ADAM29: variants seen among roughly 807,000 people sequenced by gnomAD.
ADAM29 encodes ADAM metallopeptidase domain 29, also known as disintegrin and metalloproteinase domain-containing protein 29.
For missense variants in ADAM29, 969 were observed against 1,001.8 expected, an observed-to-expected ratio of 0.97 and a Z score of 0.44; for synonymous variants, 367 against 342.3, an observed-to-expected ratio of 1.07 and a Z score of -0.80.
Position 174,977,538 on chromosome 4 carries a change from G to C in ADAM29, c.2013G>C (p.Lys671Asn), listed in dbSNP as rs1443959933. The change falls in exon 5 of 5, where the codon AAG becomes AAC. Residue 671 changes from lysine to asparagine, a missense_variant. Lys to Asn is a moderately conservative substitution (Grantham distance 94, BLOSUM62 0). Coordinates refer to ENST00000359240, the MANE Select transcript of ADAM29 (RefSeq NM_014269.4). ...SVDSGPPPKR[K>N]KKKKFCYLCI... ...ACAGTGGCCCACCCCCTAAGAGAAA[G>C]AAGAAAAAGAAGTTCTGTTATCTGT... The C allele has an allele frequency of 1.2e-6, 2 of 1,613,986 alleles. No individual in the cohort carries two copies. Among genetic ancestry groups the C allele is most frequent in the Non-Finnish European group, 1.7e-6 (2 of 1,179,978 alleles).
In ADAM29 at chr4:174,976,995, G is replaced by A; in HGVS notation, c.1470G>A (p.Arg490=). ...AAGATGGAATTCCCTGTAAGGAGAG[G>A]GGCTACTGCTATGAAAAGAGCTGTC... The part of the protein sequence containing the change: ...YVEDGIPCKE[R]GYCYEKSCHD... Residue 490 remains arginine (R), a synonymous_variant, in exon 5 of 5, where the codon AGG becomes AGA. Coordinates refer to ENST00000359240, the MANE Select transcript of ADAM29 (RefSeq NM_014269.4). 4 of 1,614,124 alleles carry A rather than the reference G, an allele frequency of 2.5e-6. No individual in the cohort carries two copies. The highest frequency in any genetic ancestry group is 1.6e-4 in the Middle Eastern group (1 of 6,062).
chr4:174,930,838 A>T (rs192798046), intron 2 of ADAM29, 148 bp from the exon 3 acceptor site: 1 of 152,086 alleles, frequency 6.6e-6, no homozygotes, highest in Non-Finnish European at 1.5e-5. Flanking sequence ...TTGTTTTTCC[A>T]TGTACTTCAG....
chr4:174,948,303 A>C (rs146330904), intron 4 of ADAM29, among the ~76,000 whole-genome samples: 2 of 152,124 alleles, frequency 1.3e-5, no homozygotes, highest in East Asian at 3.9e-4. Flanking sequence ...TGATCCTCCC[A>C]TCTTTGAAGT....
chr4:174,974,489 A>C (rs145975943), intron 4 of ADAM29, among the ~76,000 whole-genome samples: 436 of 152,274 alleles, frequency 2.9e-3, no homozygotes, highest in Non-Finnish European at 4.9e-3. Flanking sequence ...TTGTCCATTG[A>C]CTTGTTTCAG....
At chr4:174,919,173 T>C (rs1198153944) in intron 1 of ADAM29, among the ~76,000 whole-genome samples, 3 of 152,304 alleles carry the variant, frequency 2.0e-5, no homozygotes, top group Admixed American at 6.5e-5. Context: ...GTCTATAAAC[T>C]TTCTGATGGG....
At chr4:174,963,551 G>A (rs1745977862) in intron 4 of ADAM29, among the ~76,000 whole-genome samples, 1 of 152,028 alleles carries the variant, frequency 6.6e-6, no homozygotes, top group South Asian at 2.1e-4. Context: ...TGATAAGTTG[G>A]GAAATAAAGA....
chr4:174,924,431 C>T (rs1421811491), intron 2 of ADAM29, among the ~76,000 whole-genome samples: 2 of 152,172 alleles, frequency 1.3e-5, no homozygotes, highest in East Asian at 3.9e-4. Context: ...GATAGTCTTA[C>T]CTCAACATCC....
chr4:174,943,124 T>C (rs935481666), intron 4 of ADAM29, among the ~76,000 whole-genome samples: 17 of 152,188 alleles, frequency 1.1e-4, no homozygotes, highest in African/African-American at 3.9e-4. Flanking sequence ...CACCTCCACC[T>C]GAAACCACCT....
At chr4:174,938,344 T>TCTGTTCCTAAGTCCAGTAATG (rs1361109158) in intron 4 of ADAM29, among the ~76,000 whole-genome samples, 1 of 152,080 alleles carries the variant, frequency 6.6e-6, no homozygotes, top group Non-Finnish European at 1.5e-5. Context: ...ATGTGAAAAT[T>TCTGTTCCTAAGTCCAGTAATG]CTGTTCCTAA....
chr4:174,933,574 C>A (rs1020391420), intron 3 of ADAM29, among the ~76,000 whole-genome samples: 1 of 152,098 alleles, frequency 6.6e-6, no homozygotes, highest in African/African-American at 2.4e-5. Flanking sequence ...TTTCTTCGCC[C>A]AGGTATTAAG....
At chr4:174,931,429 A>T (rs1019327543) in intron 3 of ADAM29, 1 of 152,230 alleles carries the variant, frequency 6.6e-6, no homozygotes, top group African/African-American at 2.4e-5. Flanking sequence ...AGATTCATTG[A>T]ATTTCTTTTT....
At position 174,976,477 on chromosome 4, in the gene ADAM29, T is replaced by C. The variant is rs142759180; in HGVS notation, c.952T>C (p.Phe318Leu). 6.2e-7 allele frequency: 1 copy of C among 1,611,540 alleles called. No homozygotes were observed. Among genetic ancestry groups the C allele is most frequent in the Non-Finnish European group, 8.5e-7 (1 of 1,178,770 alleles). ...ACACCGTAGTTGTGCAATTGTTACT[T>C]TCATGAACAAAACTTTGGGCACTTT... is the stretch of plus-strand genomic sequence containing the variant. ...TPHRSCAIVT[F>L]MNKTLGTFSI... The change falls in exon 5 of 5, where the codon TTC becomes CTC. Residue 318 changes from phenylalanine (F) to leucine (L), a missense_variant. By Grantham distance (22) the Phe-to-Leu change is conservative. Coordinates refer to ENST00000359240, the MANE Select transcript of ADAM29 (RefSeq NM_014269.4).
At chr4:174,943,496 C>T (rs1039784289) in intron 4 of ADAM29, among the ~76,000 whole-genome samples, 2 of 152,134 alleles carry the variant, frequency 1.3e-5, no homozygotes, top group African/African-American at 4.8e-5. Context: ...AAGCAAGTAA[C>T]ATCTTATATA....
At chr4:174,960,740 C>T (rs1745766084) in intron 4 of ADAM29, among the ~76,000 whole-genome samples, 1 of 152,116 alleles carries the variant, frequency 6.6e-6, no homozygotes, top group Non-Finnish European at 1.5e-5. Context: ...ATTTGTTAAA[C>T]AAGGTTTACA....
chr4:174,931,471 A>G (rs1743873083), intron 3 of ADAM29: 1 of 152,224 alleles, frequency 6.6e-6, no homozygotes, highest in African/African-American at 2.4e-5. Context: ...TATCGAATAT[A>G]TCCTTTAGAT....
At chr4:174,950,015 T>A (rs930682053) in intron 4 of ADAM29, among the ~76,000 whole-genome samples, 1 of 152,158 alleles carries the variant, frequency 6.6e-6, no homozygotes, top group Non-Finnish European at 1.5e-5. Context: ...CAATAACCTA[T>A]CTTGGATCTA....
chr4:174,952,026 C>T (rs1447805998), intron 4 of ADAM29, among the ~76,000 whole-genome samples: 2 of 151,914 alleles, frequency 1.3e-5, no homozygotes, highest in Non-Finnish European at 2.9e-5. Context: ...GTGTTTTTAC[C>T]ACACAAATAT....
Position 174,977,872 on chromosome 4 carries a change from C to A in ADAM29, c.2347C>A (p.Pro783Thr), listed in dbSNP as rs369431166. 1.3e-6 allele frequency: 2 copies of A among 1,587,460 alleles called. No individual in the cohort carries two copies. The highest frequency in any genetic ancestry group is 1.7e-6 in the Non-Finnish European group (2 of 1,165,582). ...MPSQSQPPVM[P>T]SQSHPQLTPS... Reference sequence around the variant, plus strand: ...TTCTCAGAGTCAACCTCCTGTGATGCCTTCCCAGAGTCATCCTCAGTTGAC... The same window carrying A: ...TTCTCAGAGTCAACCTCCTGTGATGACTTCCCAGAGTCATCCTCAGTTGAC... Residue 783 changes from proline (P) to threonine (T), a missense_variant, in exon 5 of 5, where the codon CCT becomes ACT. Physicochemically the swap from Pro to Thr is conservative, Grantham distance 38 (BLOSUM62 -1). Coordinates refer to ENST00000359240, the MANE Select transcript of ADAM29 (RefSeq NM_014269.4).
intron 4 of ADAM29, among the ~76,000 whole-genome samples, chr4:174,951,319 C>T (rs189152229): frequency 6.6e-6 from 1 of 152,120 alleles, no homozygotes; most frequent in African/African-American, 2.4e-5. Flanking sequence ...TTCTAAATAG[C>T]GTTGATTATT....
Sources: allele counts gnomAD v4.1 joint callset (sites outside exome capture counted in the v4.1 genomes callset), GRCh38; gene constraint gnomAD v4.1.1; transcripts MANE v1.5; gene names NCBI Gene and HGNC (gene_info 2026-07-23, HGNC 2026-07-21).